The following CHST3 variants were observed in gnomAD, a reference collection of about 807,000 sequenced individuals.
The protein encoded by CHST3 is C6ST-1.
CHST3 carries 20 observed loss-of-function variants against 35.4 expected under a neutral mutation model. The ratio of observed to expected loss-of-function variants is 0.57; its 90% confidence interval spans 0.40 to 0.82. The LOEUF is 0.82. CHST3 is among the 40% of genes least tolerant of loss of function. CHST3 has a pLI of 0.00. For missense variants in CHST3, 693 were observed against 670.1 expected, an observed-to-expected ratio of 1.03 and a Z score of -0.38; for synonymous variants, 334 against 295.9, an observed-to-expected ratio of 1.13 and a Z score of -1.32.
intron 1 of CHST3, among the ~76,000 whole-genome samples, chr10:72,000,684 A>G (rs111342292): frequency 8.5e-5 from 13 of 152,118 alleles, no homozygotes; most frequent in African/African-American, 2.4e-4. Context: ...TTTACCAAGT[A>G]GTGCATAGAG....
chr10:72,002,297 A>T (rs1840001590), intron 1 of CHST3, among the ~76,000 whole-genome samples: 1 of 152,234 alleles, frequency 6.6e-6, no homozygotes, highest in African/African-American at 2.4e-5. Flanking sequence ...CAACTTAAAA[A>T]AAGAAATAGT....
rs1412361508 is a variant in CHST3 at position 72,009,189 on chromosome 10, T to C, written c.*718T>C. 2 of 152,272 alleles carry C rather than the reference T, an allele frequency of 1.3e-5. No individual in the cohort carries two copies. The highest frequency in any genetic ancestry group is 4.8e-5 in the African/African-American group (2 of 41,456). 9.4% of individuals were successfully genotyped at this position (152,272 alleles called of 1,614,324 possible). ...TGCAGACAAGCTTCCTCGCTGCTTATGCCCACAGGGTTTTTCTGTATGACA... is the reference window on the plus strand; with the variant it reads ...TGCAGACAAGCTTCCTCGCTGCTTACGCCCACAGGGTTTTTCTGTATGACA... On this transcript the variant is annotated 3_prime_UTR_variant, in exon 3 of 3. Transcript: ENST00000373115.
At chr10:72,007,042 C>T (rs1840045394) in intron 2 of CHST3, 130 bp from the exon 3 acceptor site, 3 of 981,890 alleles carry the variant, frequency 3.1e-6, no homozygotes, top group Non-Finnish European at 3.1e-6. Flanking sequence ...CAAATCCTTG[C>T]CTCAACGTCT....
chr10:71,996,184 G>T (rs1839936390), intron 1 of CHST3, among the ~76,000 whole-genome samples: 1 of 152,140 alleles, frequency 6.6e-6, no homozygotes, highest in Non-Finnish European at 1.5e-5. Context: ...ATTCATGAAA[G>T]ACAAGCCAAG....
rs557512028 is a variant in CHST3 at position 71,990,420 on chromosome 10, A to G, written c.-107-15316A>G. Among the ~76,000 whole-genome samples, 41 of 152,062 alleles carry G rather than the reference A, an allele frequency of 2.7e-4. No individual in the cohort carries two copies. In the East Asian group the frequency reaches 7.0e-3, roughly 26 times the overall value. On this transcript the variant is annotated intron_variant, in intron 1 of 2. Transcript: ENST00000373115. ...CTCTTGTTGCCCAGGCTGGAGTGCA[A>G]TGGTGTGATCTTGGCTCACCGCAAC...
chr10:71,988,343 C>T (rs760261009), intron 1 of CHST3, among the ~76,000 whole-genome samples: 16 of 152,106 alleles, frequency 1.1e-4, no homozygotes, highest in African/African-American at 2.2e-4. Flanking sequence ...GATATTTGTC[C>T]GCACCCAAAT....
chr10:72,007,804 C>G lies in CHST3; in HGVS notation c.773C>G (p.Thr258Arg), dbSNP rs1840059581. 1 of 1,601,596 alleles carries G rather than the reference C, an allele frequency of 6.2e-7. No homozygotes were observed. The highest frequency in any genetic ancestry group is 1.1e-5 in the South Asian group (1 of 90,936). Residue 258 changes from threonine (T) to arginine (R), a missense_variant, in exon 3 of 3, where the codon ACG becomes AGG. Physicochemically the swap from Thr to Arg is moderately conservative, Grantham distance 71. Transcript: ENST00000373115. ...KNRRCGPLNV[T>R]LAAEACRRKE... ...CGCCGCTGCGGCCCCCTCAACGTGA[C>G]GCTGGCCGCAGAGGCCTGCCGCCGC...
intron 2 of CHST3, among the ~76,000 whole-genome samples, chr10:72,006,439 C>G (rs1385015098): frequency 6.6e-6 from 1 of 152,140 alleles, no homozygotes; most frequent in African/African-American, 2.4e-5. Context: ...AGCACATCCC[C>G]TATAGAAGTC....
intron 1 of CHST3, among the ~76,000 whole-genome samples, chr10:71,983,092 T>C (rs1589500441): frequency 6.6e-6 from 1 of 151,966 alleles, no homozygotes; most frequent in Non-Finnish European, 1.5e-5. Flanking sequence ...AGGGGAGGGG[T>C]GGAGACCAGT....
intron 1 of CHST3, among the ~76,000 whole-genome samples, chr10:71,988,216 G>A (rs1839867982): frequency 6.6e-6 from 1 of 152,228 alleles, no homozygotes; most frequent in Non-Finnish European, 1.5e-5. Flanking sequence ...AGGGATGAGG[G>A]AAGAAAAAGG....
At chr10:71,966,018 A>C (rs530972575) in intron 1 of CHST3, among the ~76,000 whole-genome samples, 68 of 152,244 alleles carry the variant, frequency 4.5e-4, no homozygotes, top group African/African-American at 1.6e-3. Flanking sequence ...GCTGTTTGGC[A>C]GATTCTGTGG....
rs1394817379 is a variant in CHST3, at chr10:72,008,220, G to A, written c.1189G>A (p.Val397Met). The change falls in exon 3 of 3, where the codon GTG becomes ATG. Residue 397 changes from valine to methionine, a missense_variant. By Grantham distance (21) the Val-to-Met change is conservative. Transcript: ENST00000373115. ...RFAGIPLTPQ[V>M]EDWIQKNTQA... is the part of the protein sequence containing the mutation. ...CGCCGGCATCCCCCTGACCCCGCAGGTGGAAGACTGGATCCAAAAGAACAC... is the reference window on the plus strand; with the variant it reads ...CGCCGGCATCCCCCTGACCCCGCAGATGGAAGACTGGATCCAAAAGAACAC... The A allele has an allele frequency of 3.9e-6, 6 of 1,557,224 alleles. No homozygotes were observed. The highest frequency in any genetic ancestry group is 5.2e-6 in the Non-Finnish European group (6 of 1,150,718).
At chr10:71,991,461 C>A (rs935565328) in intron 1 of CHST3, among the ~76,000 whole-genome samples, 5 of 152,152 alleles carry the variant, frequency 3.3e-5, no homozygotes, top group Non-Finnish European at 5.9e-5. Flanking sequence ...GTGGCCTTCC[C>A]CAAATTTTCC....
intron 1 of CHST3, among the ~76,000 whole-genome samples, chr10:71,986,715 TGG>T (rs57818682): frequency 2.0e-4 from 31 of 152,280 alleles, no homozygotes; most frequent in Non-Finnish European, 3.5e-4. Flanking sequence ...AGAGATCGCC[TGG>T]GGCTGGTTCT....
At chr10:71,966,730 C>T (rs954126062) in intron 1 of CHST3, among the ~76,000 whole-genome samples, 20 of 152,188 alleles carry the variant, frequency 1.3e-4, no homozygotes, top group African/African-American at 4.8e-4. Context: ...GTTCTGTATA[C>T]ATTTTCTAAT....
At chr10:71,999,724 G>A (rs1171554737) in intron 1 of CHST3, among the ~76,000 whole-genome samples, 1 of 152,260 alleles carries the variant, frequency 6.6e-6, no homozygotes, top group Non-Finnish European at 1.5e-5. Flanking sequence ...GAAGGGCCTG[G>A]TTGGAGGCCA....
chr10:71,979,373 TCGGGAGGGGGGTTAGATGG>T (rs1254623602), intron 1 of CHST3, among the ~76,000 whole-genome samples: 1 of 150,504 alleles, frequency 6.6e-6, no homozygotes, highest in Non-Finnish European at 1.5e-5. Context: ...AGACGGAGTC[TCGGGAGGGGGGTTAGATGG>T]CGGGAGAGGG....
intron 1 of CHST3, among the ~76,000 whole-genome samples, chr10:71,987,979 C>T (rs749876512): frequency 9.2e-5 from 14 of 152,140 alleles, no homozygotes; most frequent in Non-Finnish European, 1.8e-4. Context: ...GAAGCTGTGG[C>T]CATTGTGTAG....
At chr10:71,976,689 C>T (rs972834591) in intron 1 of CHST3, among the ~76,000 whole-genome samples, 6 of 152,164 alleles carry the variant, frequency 3.9e-5, no homozygotes, top group African/African-American at 1.4e-4. Context: ...CTGGAGGGGC[C>T]ATTTTTCTTC....
Sources: gnomAD v4.1 joint callset for allele counts (sites outside exome capture counted in the v4.1 genomes callset) on GRCh38, gnomAD v4.1.1 for gene constraint, MANE v1.5 for transcripts, NCBI Gene and HGNC (gene_info 2026-07-23, HGNC 2026-07-21) for gene names.